The following RMST variants were observed in gnomAD, a reference collection of about 807,000 sequenced individuals.
The protein encoded by RMST is rhabdomyosarcoma 2 associated transcript.
intron 10 of RMST, among the ~76,000 whole-genome samples, chr12:97,528,787 C>G (rs1881362637): frequency 6.6e-6 from 1 of 151,958 alleles, no homozygotes; most frequent in Non-Finnish European, 1.5e-5. Flanking sequence ...AGTATTTATT[C>G]TTCATCGACA....
At chr12:97,481,931 C>T (rs997550868) in intron 5 of RMST, among the ~76,000 whole-genome samples, 10 of 152,284 alleles carry the variant, frequency 6.6e-5, no homozygotes, top group South Asian at 2.1e-4. Context: ...TTGGCCAACA[C>T]GAGCATGAAT....
At chr12:97,511,625 A>G (rs2136514593) in intron 10 of RMST, among the ~76,000 whole-genome samples, 1 of 152,326 alleles carries the variant, frequency 6.6e-6, no homozygotes, top group African/African-American at 2.4e-5. Context: ...TTTTGGTGTG[A>G]CCCACAGCAA....
At chr12:97,513,414 T>A (rs73384801) in intron 10 of RMST, among the ~76,000 whole-genome samples, 6,017 of 152,344 alleles carry the variant, frequency 0.039, 396 homozygotes, top group African/African-American at 0.14. Context: ...GCAGCTTTAA[T>A]GGACTGATTT....
intron 11 of RMST, chr12:97,532,808 A>T (rs914191358): frequency 1.3e-5 from 2 of 151,744 alleles, no homozygotes; most frequent in Admixed American, 1.3e-4. Flanking sequence ...ATTCTTTCAC[A>T]TGGAAATGGG....
intron 5 of RMST, among the ~76,000 whole-genome samples, chr12:97,480,115 G>T (rs1565918441): frequency 7.2e-6 from 1 of 139,288 alleles, no homozygotes; most frequent in Non-Finnish European, 1.5e-5. Flanking sequence ...TTTTGAGACA[G>T]AGTTTCGCTC....
intron 11 of RMST, among the ~76,000 whole-genome samples, chr12:97,538,492 C>G (rs1024007221): frequency 3.3e-5 from 5 of 151,336 alleles, no homozygotes; most frequent in African/African-American, 1.2e-4. Context: ...TCCTGCACAT[C>G]AGGTAGTGAA....
intron 10 of RMST, among the ~76,000 whole-genome samples, chr12:97,511,150 C>CTTT (rs200176181): frequency 7.1e-6 from 1 of 139,892 alleles, no homozygotes; most frequent in Admixed American, 7.1e-5. Flanking sequence ...GTACTTCCTT[C>CTTT]TTTTTTTTTT....
intron 13 of RMST, among the ~76,000 whole-genome samples, chr12:97,562,509 G>T (rs1334236247): frequency 6.6e-6 from 1 of 152,086 alleles, no homozygotes; most frequent in African/African-American, 2.4e-5. Flanking sequence ...GGGGGAGGAG[G>T]TAGAGGTGGA....
chr12:97,482,808 T>G (rs1875574358), intron 5 of RMST, among the ~76,000 whole-genome samples: 2 of 141,160 alleles, frequency 1.4e-5, no homozygotes, highest in Non-Finnish European at 3.0e-5. Flanking sequence ...ATTTATTAAA[T>G]AAATTTATAT....
chr12:97,494,271 G>A (rs1423862424), intron 8 of RMST, among the ~76,000 whole-genome samples: 2 of 152,296 alleles, frequency 1.3e-5, no homozygotes, highest in East Asian at 1.9e-4. Flanking sequence ...TTTGAGCAGA[G>A]TAGAGGATTA....
chr12:97,479,432 C>T (rs373199627), intron 5 of RMST, among the ~76,000 whole-genome samples: 6 of 152,154 alleles, frequency 3.9e-5, no homozygotes, highest in Non-Finnish European at 5.9e-5. Flanking sequence ...AGATTATAGG[C>T]GTGAGCCACA....
chr12:97,554,444 C>CA (rs1157476635), intron 11 of RMST, among the ~76,000 whole-genome samples: 2 of 151,636 alleles, frequency 1.3e-5, no homozygotes, highest in African/African-American at 2.4e-5. Context: ...ACAGGGCCTA[C>CA]AAAAATAAAC....
intron 10 of RMST, among the ~76,000 whole-genome samples, chr12:97,513,828 A>G (rs1879664690): frequency 6.6e-6 from 1 of 152,122 alleles, no homozygotes; most frequent in Non-Finnish European, 1.5e-5. Flanking sequence ...TGCTATGGGA[A>G]ATGGGTGAAG....
At chr12:97,485,238 A>G (rs1344881311) in intron 5 of RMST, among the ~76,000 whole-genome samples, 1 of 152,206 alleles carries the variant, frequency 6.6e-6, no homozygotes, top group African/African-American at 2.4e-5. Flanking sequence ...TTTCTCTAGT[A>G]AATTAGCCAC....
intron 11 of RMST, among the ~76,000 whole-genome samples, chr12:97,541,711 A>C (rs922345466): frequency 4.7e-5 from 7 of 148,700 alleles, no homozygotes; most frequent in Non-Finnish European, 7.4e-5. Context: ...TAGCACATGG[A>C]GGCAGATTTA....
rs148882302 is a variant in RMST, at chr12:97,486,116, A to G, written n.645-6345A>G. Among the ~76,000 whole-genome samples, 59 of 152,316 alleles carry G rather than the reference A, an allele frequency of 3.9e-4. 1 individual carries two copies. In the East Asian group the frequency reaches 0.011, roughly 27 times the overall value. The stretch of plus-strand genomic sequence containing the variant: ...TTGTAATAGTCTTTTACCATAGGTA[A>G]GAATGGTAAGCTTTGAAAAAAAATA... On this transcript the variant is annotated intron_variant and non_coding_transcript_variant, in intron 5 of 13. Coordinates refer to ENST00000640149, the Ensembl canonical transcript of RMST.
intron 5 of RMST, among the ~76,000 whole-genome samples, chr12:97,483,141 GCT>G (rs1875632151): frequency 6.6e-6 from 1 of 151,992 alleles, no homozygotes; most frequent in Non-Finnish European, 1.5e-5. Context: ...GGCCCTTTGT[GCT>G]CTGTTATTTC....
chr12:97,465,878 T>G (rs1873125588), intron 5 of RMST, among the ~76,000 whole-genome samples: 1 of 152,192 alleles, frequency 6.6e-6, no homozygotes, highest in African/African-American at 2.4e-5. Context: ...TTAGAGAATT[T>G]GATTGTTAGT....
At chr12:97,510,418 T>C (rs1358608910) in intron 10 of RMST, among the ~76,000 whole-genome samples, 3 of 152,160 alleles carry the variant, frequency 2.0e-5, no homozygotes, top group African/African-American at 7.2e-5. Flanking sequence ...ATTGAGCAAG[T>C]AATAAAATGA....
Sources: allele counts gnomAD v4.1 joint callset (sites outside exome capture counted in the v4.1 genomes callset), GRCh38; gene constraint gnomAD v4.1.1; transcripts MANE v1.5; gene names NCBI Gene and HGNC (gene_info 2026-07-23, HGNC 2026-07-21).